AMZ1: variants seen among roughly 807,000 people sequenced by gnomAD.
AMZ1 encodes archaemetzincin-1.
In AMZ1, 39 loss-of-function variants were observed where a neutral mutation model predicts 29.9. The observed-to-expected ratio is 1.30, with a 90% CI of 1.01 to 1.70. AMZ1 has a LOEUF of 1.70. AMZ1 is among the 40% of genes most tolerant of loss of function. AMZ1 has a pLI of 0.00. For missense variants in AMZ1, 1,041 were observed against 680.6 expected (o/e 1.53, Z -5.89); for synonymous variants, 458 against 304.0 (o/e 1.51, Z -5.27).
At chr7:2,752,866 A>G (rs1791104461) in intron 4 of AMZ1, among the ~76,000 whole-genome samples, 1 of 152,216 alleles carries the variant, frequency 6.6e-6, no homozygotes, top group South Asian at 2.1e-4. Flanking sequence ...TATCAGAACC[A>G]GGGAACTGAC....
At chr7:2,686,521 A>C (rs922071256), upstream of AMZ1, among the ~76,000 whole-genome samples, 1 of 152,202 alleles carries the variant, frequency 6.6e-6, no homozygotes, top group African/African-American at 2.4e-5. Flanking sequence ...GCAATAGAGC[A>C]AGATCCTGTC....
rs994064452 is a variant in AMZ1, at chr7:2,749,067, T to G, written n.551-15645T>G. ...AACACTTTTACACTGTTGGTGGGAC[T>G]GTAAACTAGTTCAACCATTGTGGAA... On this transcript the variant is annotated intron_variant and non_coding_transcript_variant, in intron 4 of 4. Coordinates refer to the AMZ1 transcript ENST00000489665. 4.6e-5 allele frequency among the ~76,000 whole-genome samples: 7 copies of G among 152,292 alleles called. No homozygotes were observed. In the East Asian group the frequency reaches 5.8e-4, roughly 13 times the overall value.
At chr7:2,712,169 A>C (rs1473170017) in intron 6 of AMZ1, among the ~76,000 whole-genome samples, 161 bp from the exon 7 acceptor site, 1 of 152,192 alleles carries the variant, frequency 6.6e-6, no homozygotes, top group Non-Finnish European at 1.5e-5. Flanking sequence ...ATGAGTCCTC[A>C]AAGGGTGCTG....
intron 1 of AMZ1, among the ~76,000 whole-genome samples, chr7:2,688,722 A>C (rs938573305): frequency 3.3e-5 from 5 of 152,154 alleles, no homozygotes; most frequent in Non-Finnish European, 5.9e-5. Flanking sequence ...GGGAACCTCC[A>C]GGGCGCCGAG....
rs745712139 is a variant in AMZ1, at chr7:2,700,639, G to C, written c.188G>C (p.Gly63Ala). 6.2e-7 allele frequency: 1 copy of C among 1,611,596 alleles called. No homozygotes were observed. The highest frequency in any genetic ancestry group is 1.3e-5 in the African/African-American group (1 of 74,944). ...TLFCTLLIRTGFDWLLSRPEA... is the reference protein window; with the variant it reads ...TLFCTLLIRTAFDWLLSRPEA... ...TTCTGCACCCTGCTCATCCGCACGG[G>C]CTTCGACTGGCTCCTGAGCCGACCC... The change falls in exon 2 of 7, where the codon GGC becomes GCC. Residue 63 changes from glycine to alanine, a missense_variant. Coordinates refer to ENST00000683327, the MANE Select transcript of AMZ1 (RefSeq NM_001384743.1).
At chr7:2,733,419 C>A in intron 4 of AMZ1, 4 of 1,603,810 alleles carry the variant, frequency 2.5e-6, no homozygotes, top group Non-Finnish European at 2.6e-6. Flanking sequence ...AACCCTGGAG[C>A]CCAGCTTCTT....
chr7:2,711,485 G>A (rs893845850), intron 6 of AMZ1, among the ~76,000 whole-genome samples: 1 of 152,242 alleles, frequency 6.6e-6, no homozygotes, highest in Non-Finnish European at 1.5e-5. Flanking sequence ...TTGTTAAACT[G>A]TGTGTCCCCT....
upstream of AMZ1, among the ~76,000 whole-genome samples, chr7:2,687,033 A>C (rs1445928903): frequency 6.6e-6 from 1 of 151,842 alleles, no homozygotes; most frequent in Non-Finnish European, 1.5e-5. Context: ...TTAAGGCTTA[A>C]AAAAATTCTT....
upstream of AMZ1, chr7:2,760,281 G>A: frequency 6.6e-6 from 1 of 152,628 alleles, no homozygotes; most frequent in Non-Finnish European, 1.5e-5. Context: ...CAGCAGCGCT[G>A]CCTCCCTAGG....
At position 2,706,919 on chromosome 7, in the gene AMZ1, A is replaced by C. The variant is rs567756236; in HGVS notation, c.473-1669A>C. Among the ~76,000 whole-genome samples the C allele has an allele frequency of 1.6e-4, 24 of 149,930 alleles. No homozygotes were observed. In the East Asian group the frequency reaches 4.6e-3, roughly 29 times the overall value. ...AAGATTGCTTGAGCCCAGGAGGTGG[A>C]GACTGCAGCGTGAGCTGTGATTGTA... On this transcript the variant is annotated intron_variant, in intron 3 of 6. Coordinates refer to ENST00000683327, the MANE Select transcript of AMZ1 (RefSeq NM_001384743.1).
chr7:2,750,092 G>A (rs1235388827), intron 4 of AMZ1, among the ~76,000 whole-genome samples: 1 of 152,126 alleles, frequency 6.6e-6, no homozygotes. Flanking sequence ...TCATAGCAAG[G>A]ATGCTATACC....
intron 4 of AMZ1, among the ~76,000 whole-genome samples, chr7:2,749,673 A>T (rs1235385621): frequency 6.6e-6 from 1 of 151,598 alleles, no homozygotes; most frequent in East Asian, 1.9e-4. Flanking sequence ...ATAATAAAAT[A>T]AAAAAAAAGA....
Position 2,731,631 on chromosome 7 carries a change from C to T in AMZ1, n.550+21815C>T, listed in dbSNP as rs138638605. On this transcript the variant is annotated intron_variant and non_coding_transcript_variant, in intron 4 of 4. Coordinates refer to the AMZ1 transcript ENST00000489665. The surrounding 1 kb of genome is among the most constrained non-coding windows in gnomAD (Gnocchi z 6.0). ...ACTGGAACCACTTCTGGCGCTGGGACCGCTGGCCGCCCACATCCACCATCT... is the reference window on the plus strand; with the variant it reads ...ACTGGAACCACTTCTGGCGCTGGGATCGCTGGCCGCCCACATCCACCATCT... 8.1e-5 allele frequency: 131 copies of T among 1,613,842 alleles called. No homozygotes were observed. In the African/African-American group the frequency reaches 1.2e-3, roughly 15 times the overall value.
chr7:2,726,973 T>A (rs1275066394), intron 4 of AMZ1, among the ~76,000 whole-genome samples: 1 of 152,242 alleles, frequency 6.6e-6, no homozygotes, highest in African/African-American at 2.4e-5. Context: ...CTTCTGATCT[T>A]GGAGAGCGAG....
At chr7:2,684,314 CCTTA>C (rs1304124328), upstream of AMZ1, among the ~76,000 whole-genome samples, 21 of 152,154 alleles carry the variant, frequency 1.4e-4, no homozygotes, top group Admixed American at 3.9e-4. Context: ...ATCTTGAGAT[CCTTA>C]CTTTAACCAT....
chr7:2,762,628 A>G (rs1791615669), upstream of AMZ1: 3 of 1,575,124 alleles, frequency 1.9e-6, no homozygotes, highest in South Asian at 1.2e-5. Context: ...TAAGACCCCA[A>G]TGCCATGAAG....
At chr7:2,700,006 G>T (rs1787957416) in intron 1 of AMZ1, among the ~76,000 whole-genome samples, 1 of 152,132 alleles carries the variant, frequency 6.6e-6, no homozygotes, top group South Asian at 2.1e-4. Flanking sequence ...CCGTCCCCTG[G>T]GTGGCCCATG....
At chr7:2,751,727 CA>C (rs1464402496) in intron 4 of AMZ1, among the ~76,000 whole-genome samples, 4 of 152,174 alleles carry the variant, frequency 2.6e-5, no homozygotes, top group Non-Finnish European at 5.9e-5. Flanking sequence ...GAGAATGTTC[CA>C]AACAACTTTA....
At position 2,708,641 on chromosome 7, in the gene AMZ1, C is replaced by A; in HGVS notation, c.526C>A (p.Leu176Met). ...NNKPGDALCV[L>M]GLTLSDLYPH... ...CAAGCCAGGGGACGCGCTGTGTGTG[C>A]TGGGCCTCACACTGTCTGACCTGTA... The change falls in exon 4 of 7, where the codon CTG (leucine) becomes ATG (methionine). Residue 176 changes from leucine (L) to methionine (M), a missense_variant. Leu to Met is a conservative substitution (Grantham distance 15, BLOSUM62 2). Coordinates refer to ENST00000683327, the MANE Select transcript of AMZ1 (RefSeq NM_001384743.1). The A allele has an allele frequency of 6.2e-7, 1 of 1,613,176 alleles. No homozygotes were observed. The highest frequency in any genetic ancestry group is 8.5e-7 in the Non-Finnish European group (1 of 1,179,982).
Sources: gnomAD v4.1 joint callset for allele counts (sites outside exome capture counted in the v4.1 genomes callset) on GRCh38, gnomAD v4.1.1 for gene constraint, Gnocchi (gnomAD v3.1) non-coding constraint, MANE v1.5 for transcripts, NCBI Gene and HGNC (gene_info 2026-07-23, HGNC 2026-07-21) for gene names.